COL19A1: variants seen among roughly 807,000 people sequenced by gnomAD.
COL19A1 encodes collagen alpha-1(XIX) chain.
In COL19A1, 159 loss-of-function variants were observed where a neutral mutation model predicts 190.2. That is an observed-to-expected ratio of 0.84 (90% CI 0.73 to 0.95). The LOEUF (loss-of-function observed/expected upper bound fraction) is 0.95, where lower values mean the gene tolerates loss of function less well. COL19A1 is among the 40% of genes least tolerant of loss of function. COL19A1 has a pLI of 0.00. For missense variants in COL19A1, 1,418 were observed against 1,431.9 expected (o/e 0.99, Z 0.16); for synonymous variants, 509 against 458.9 (o/e 1.11, Z -1.39).
At chr6:69,884,355 A>G (rs939901795) in intron 2 of COL19A1, among the ~76,000 whole-genome samples, 4 of 151,914 alleles carry the variant, frequency 2.6e-5, no homozygotes, top group Non-Finnish European at 5.9e-5. Flanking sequence ...AAAAAAAAAA[A>G]GTATCAGACC....
At chr6:70,110,902 C>T (rs369014635) in intron 16 of COL19A1, among the ~76,000 whole-genome samples, 1 of 152,100 alleles carries the variant, frequency 6.6e-6, no homozygotes, top group African/African-American at 2.4e-5. Flanking sequence ...TTTACAGCAA[C>T]GATGAGACAG....
At chr6:70,110,062 C>A (rs1784196570) in intron 16 of COL19A1, among the ~76,000 whole-genome samples, 1 of 152,192 alleles carries the variant, frequency 6.6e-6, no homozygotes, top group African/African-American at 2.4e-5. Context: ...TTATTTTCAG[C>A]ATATAGCAGG....
At chr6:69,936,339 C>A (rs1773110791) in intron 7 of COL19A1, among the ~76,000 whole-genome samples, 1 of 151,994 alleles carries the variant, frequency 6.6e-6, no homozygotes, top group Admixed American at 6.6e-5. Flanking sequence ...AATTTATTTT[C>A]TACTTTATAT....
At chr6:69,913,687 G>A (rs1771108519) in intron 4 of COL19A1, among the ~76,000 whole-genome samples, 1 of 152,178 alleles carries the variant, frequency 6.6e-6, no homozygotes, top group African/African-American at 2.4e-5. Context: ...GAGAAGACTT[G>A]AAAGTGTGGG....
chr6:70,060,098 A>G (rs1780736419), intron 14 of COL19A1, among the ~76,000 whole-genome samples: 1 of 152,180 alleles, frequency 6.6e-6, no homozygotes, highest in African/African-American at 2.4e-5. Flanking sequence ...TAATTTGTAA[A>G]TGAACTATAA....
At position 70,165,934 on chromosome 6, in the gene COL19A1, C is replaced by T. The variant is rs1765123381; in HGVS notation, c.2401-7C>T. The T allele has an allele frequency of 2.5e-6, 4 of 1,613,798 alleles. No individual in the cohort carries two copies. Among genetic ancestry groups the T allele is most frequent in the Non-Finnish European group, 3.4e-6 (4 of 1,179,728 alleles). On this transcript the variant is annotated splice_region_variant and splice_polypyrimidine_tract_variant and intron_variant, in intron 36 of 50. Transcript: ENST00000620364. ...ACGCCGCTGATATGTCTATATATCC[C>T]TTGCAGGGCAGCGACGGACCCCCTG...
intron 16 of COL19A1, among the ~76,000 whole-genome samples, chr6:70,105,782 T>C (rs1329517772): frequency 6.6e-6 from 1 of 152,180 alleles, no homozygotes; most frequent in Non-Finnish European, 1.5e-5. Flanking sequence ...TCCTGAAGCA[T>C]GTGTTAGAAT....
Position 70,141,898 on chromosome 6 carries a change from A to T in COL19A1, c.1488A>T (p.Glu496Asp). 3 of 1,588,994 alleles carry T rather than the reference A, an allele frequency of 1.9e-6. No homozygotes were observed. The highest frequency in any genetic ancestry group is 2.6e-6 in the Non-Finnish European group (3 of 1,157,624). ...FTKGEKGDRG[E>D]PGVIGSQGVK... ...AGTAATTATTTTATTTACAGGGAGA[A>T]CCTGGGGTAATAGGATCACAGGGAG... is the stretch of plus-strand genomic sequence containing the variant. The change falls in exon 21 of 51, where the codon GAA becomes GAT. Residue 496 changes from glutamate (E) to aspartate (D), a missense_variant. Transcript: ENST00000620364.
At position 69,954,490 on chromosome 6, in the gene COL19A1, G is replaced by A. The variant is rs192945536; in HGVS notation, c.937-5506G>A. 8.6e-4 allele frequency among the ~76,000 whole-genome samples: 131 copies of A among 152,130 alleles called. 1 individual carries two copies. Among genetic ancestry groups the A allele is most frequent in the African/African-American group, 3.1e-3 (128 of 41,526 alleles). ...GGAAAGATCGGAAAAGCACCCCAAT[G>A]CCAGCAACACTTCAGTGAAAGTCCT... is the stretch of plus-strand genomic sequence containing the variant. On this transcript the variant is annotated intron_variant, in intron 9 of 50. Coordinates refer to ENST00000620364, the MANE Select transcript of COL19A1 (RefSeq NM_001858.6).
At chr6:70,188,032 T>C in intron 46 of COL19A1, 43 bp from the exon 47 acceptor site, 2 of 1,609,182 alleles carry the variant, frequency 1.2e-6, no homozygotes, top group Non-Finnish European at 1.7e-6. Context: ...CTACAGCTGA[T>C]GCTAGAAGAG....
chr6:70,098,128 A>G (rs12190708), intron 15 of COL19A1, among the ~76,000 whole-genome samples: 34,390 of 152,112 alleles, frequency 0.23, 4,548 homozygotes, highest in Non-Finnish European at 0.3. Context: ...GGCCCCAGCT[A>G]TCCTCAACCA....
intron 15 of COL19A1, among the ~76,000 whole-genome samples, chr6:70,094,331 G>T (rs1783109215): frequency 6.6e-6 from 1 of 152,114 alleles, no homozygotes; most frequent in Admixed American, 6.6e-5. Context: ...GCCAGTCAAG[G>T]CCCTGTCTCC....
chr6:70,125,594 G>C (rs1469282610), intron 17 of COL19A1, among the ~76,000 whole-genome samples: 1 of 151,738 alleles, frequency 6.6e-6, no homozygotes, highest in Non-Finnish European at 1.5e-5. Flanking sequence ...GAAAAAAAAA[G>C]CAAATGAGGA....
intron 31 of COL19A1, among the ~76,000 whole-genome samples, chr6:70,153,350 C>T (rs1359456810): frequency 6.6e-6 from 1 of 152,122 alleles, no homozygotes; most frequent in Non-Finnish European, 1.5e-5. Context: ...TTACAGGCAC[C>T]TTCAAAGGCC....
At chr6:70,177,258 A>G (rs1765871649) in intron 42 of COL19A1, among the ~76,000 whole-genome samples, 1 of 152,180 alleles carries the variant, frequency 6.6e-6, no homozygotes, top group African/African-American at 2.4e-5. Flanking sequence ...GTGCTCCTGC[A>G]GGGCAGGTCC....
chr6:70,199,586 AT>A, intron 48 of COL19A1, 21 bp from the exon 49 acceptor site: 2 of 1,455,582 alleles, frequency 1.4e-6, no homozygotes, highest in South Asian at 1.6e-5. Flanking sequence ...ATGATATATT[AT>A]TTTTTCTTCT....
rs564661139 is a variant in COL19A1 at position 70,036,028 on chromosome 6, T to C, written c.1170+89T>C. 29 of 1,274,364 alleles carry C rather than the reference T, an allele frequency of 2.3e-5. No individual in the cohort carries two copies. In the African/African-American group the frequency reaches 4.3e-4, roughly 19 times the overall value. The allele number at this position is 1,274,364 out of a possible 1,614,324, so 78.9% of individuals were successfully genotyped here. Reference sequence around the variant, plus strand: ...CATCATGACTAAACCAGAATTTAAGTCACAGAGTTAAGAATTGAAGGTGAC... The same window carrying C: ...CATCATGACTAAACCAGAATTTAAGCCACAGAGTTAAGAATTGAAGGTGAC... On this transcript the variant is annotated intron_variant, in intron 14 of 50. Coordinates refer to ENST00000620364, the MANE Select transcript of COL19A1 (RefSeq NM_001858.6).
At chr6:69,990,225 C>A (rs1422133006) in intron 11 of COL19A1, among the ~76,000 whole-genome samples, 1 of 152,066 alleles carries the variant, frequency 6.6e-6, no homozygotes, top group Non-Finnish European at 1.5e-5. Flanking sequence ...TTCACTTAGA[C>A]TCCATCTTGT....
At chr6:69,952,593 A>G (rs1241709902) in intron 9 of COL19A1, among the ~76,000 whole-genome samples, 4 of 151,968 alleles carry the variant, frequency 2.6e-5, no homozygotes, top group African/African-American at 9.7e-5. Context: ...TGCATGTCTT[A>G]AAAATAGCTG....
Sources: gnomAD v4.1 joint callset for allele counts (sites outside exome capture counted in the v4.1 genomes callset) on GRCh38, gnomAD v4.1.1 for gene constraint, MANE v1.5 for transcripts, NCBI Gene and HGNC (gene_info 2026-07-23, HGNC 2026-07-21) for gene names.